Variants in ATE1 observed in about 807,000 individuals in gnomAD.
ATE1 encodes the protein arginyl-tRNA--protein transferase 1.
A neutral mutation model predicts 70.5 loss-of-function variants in ATE1; 36 were observed. The ratio of observed to expected loss-of-function variants is 0.51; its 90% CI spans 0.39 to 0.67. The LOEUF (loss-of-function observed/expected upper bound fraction) is 0.67. Among genes scored for constraint, ATE1 ranks in the 30% least tolerant of loss-of-function variants. ATE1 has a pLI of 0.00. For synonymous variants in ATE1, 232 were observed against 219.3 expected, an observed-to-expected ratio of 1.06 and a Z score of -0.51; for missense variants, 593 against 629.5, an observed-to-expected ratio of 0.94 and a Z score of 0.62.
In ATE1 at chr10:121,847,756, CAAAAAAAAAAA is replaced by C. The variant is rs34868723; in HGVS notation, c.976-6504_976-6494del. ...CTGGGGACAGAGCGAGACTCTGTCT[CAAAAAAAAAAA>C]AAAAAAAAAAAAATCGTGAACAGGC... On this transcript the variant is annotated intron_variant, in intron 8 of 11. Transcript: ENST00000224652. Among the ~76,000 whole-genome samples, 6 of 60,832 alleles carry C rather than the reference CAAAAAAAAAAA, an allele frequency of 9.9e-5. No individual in the cohort carries two copies. The South Asian group carries it at 3.5e-3, about 36-fold the overall frequency. The allele number at this position is 60,832 out of a possible 152,430, so 39.9% of individuals were successfully genotyped here.
rs1432207370 is a variant in ATE1 at position 121,743,087 on chromosome 10, G to A, written c.*593C>T. Reference sequence around the variant, plus strand: ...ATGAACAGGACTGTCCTGAACAAATGGATACCTGATGCTAACACAAGCTCC... The same window carrying A: ...ATGAACAGGACTGTCCTGAACAAATAGATACCTGATGCTAACACAAGCTCC... On this transcript the variant is annotated 3_prime_UTR_variant, in exon 12 of 12. Coordinates refer to ENST00000224652, the MANE Select transcript of ATE1 (RefSeq NM_001001976.3). 1.3e-5 allele frequency: 2 copies of A among 152,212 alleles called. No individual in the cohort carries two copies. Among genetic ancestry groups the A allele is most frequent in the Non-Finnish European group, 2.9e-5 (2 of 68,104 alleles). The allele number at this position is 152,212 out of a possible 1,614,324, so 9.4% of individuals were successfully genotyped here.
At chr10:121,763,232 A>G (rs900994092) in intron 11 of ATE1, among the ~76,000 whole-genome samples, 2 of 152,234 alleles carry the variant, frequency 1.3e-5, no homozygotes, top group African/African-American at 4.8e-5. Context: ...TGCAATAACC[A>G]TATGATCTAG....
At chr10:121,908,491 G>A (rs1182046550) in intron 5 of ATE1, among the ~76,000 whole-genome samples, 3 of 152,100 alleles carry the variant, frequency 2.0e-5, no homozygotes, top group Non-Finnish European at 2.9e-5. Flanking sequence ...GCGACAGAGT[G>A]AGATTCTTTC....
At chr10:121,898,994 A>C in intron 7 of ATE1, 1 of 1,610,474 alleles carries the variant, frequency 6.2e-7, no homozygotes, top group Admixed American at 1.7e-5. Flanking sequence ...AAATACAAGC[A>C]AATGCTATTG....
chr10:121,907,715 GC>G (rs1951255523), intron 5 of ATE1, among the ~76,000 whole-genome samples: 1 of 151,792 alleles, frequency 6.6e-6, no homozygotes, highest in African/African-American at 2.4e-5. Flanking sequence ...CTTGCAGTGA[GC>G]CAAGATCGCA....
chr10:121,874,389 A>G (rs1590590706), intron 7 of ATE1, among the ~76,000 whole-genome samples: 1 of 152,342 alleles, frequency 6.6e-6, no homozygotes, highest in East Asian at 1.9e-4. Flanking sequence ...ACAAAAGAAA[A>G]AAGTTTTATT....
intron 10 of ATE1, among the ~76,000 whole-genome samples, chr10:121,819,109 C>T (rs1254134141): frequency 1.3e-5 from 2 of 152,190 alleles, no homozygotes; most frequent in Admixed American, 6.5e-5. Context: ...AGATAATTCA[C>T]TATTGCATTA....
chr10:121,821,279 A>G (rs1181857244), intron 10 of ATE1, among the ~76,000 whole-genome samples: 1 of 152,206 alleles, frequency 6.6e-6, no homozygotes, highest in East Asian at 1.9e-4. Context: ...GTAGGCAAAT[A>G]TTTGTTGATA....
intron 6 of ATE1, 91 bp from the exon 7 acceptor site, chr10:121,900,085 C>A: frequency 7.4e-7 from 1 of 1,357,424 alleles, no homozygotes; most frequent in East Asian, 2.4e-5. Flanking sequence ...ATCCAAGAAA[C>A]CAAGTTTCAA....
chr10:121,837,716 T>G (rs147454752), intron 9 of ATE1, among the ~76,000 whole-genome samples: 6 of 152,340 alleles, frequency 3.9e-5, no homozygotes, highest in African/African-American at 9.6e-5. Flanking sequence ...AAGAATTCAT[T>G]TTTAAATTAA....
At chr10:121,749,371 T>G (rs1944493155) in intron 11 of ATE1, among the ~76,000 whole-genome samples, 1 of 148,372 alleles carries the variant, frequency 6.7e-6, no homozygotes, top group Non-Finnish European at 1.5e-5. Flanking sequence ...CTTTAAAAAT[T>G]AATACTAAGC....
At chr10:121,915,022 T>C (rs1226228296) in intron 3 of ATE1, among the ~76,000 whole-genome samples, 1 of 152,054 alleles carries the variant, frequency 6.6e-6, no homozygotes, top group Non-Finnish European at 1.5e-5. Context: ...TACACGGAAT[T>C]TCCAATGGAA....
At chr10:121,886,423 G>C (rs1390031651) in intron 7 of ATE1, among the ~76,000 whole-genome samples, 1 of 152,080 alleles carries the variant, frequency 6.6e-6, no homozygotes, top group Non-Finnish European at 1.5e-5. Flanking sequence ...GTGCACGTTA[G>C]GTTCACTGCT....
At chr10:121,893,276 CAA>C (rs771745075) in intron 7 of ATE1, among the ~76,000 whole-genome samples, 6 of 46,670 alleles carry the variant, frequency 1.3e-4, no homozygotes, top group African/African-American at 2.9e-4. Context: ...GACTTAGTCT[CAA>C]AAAAAAAAAA....
chr10:121,812,890 G>T (rs1947383704), intron 10 of ATE1, among the ~76,000 whole-genome samples: 1 of 152,142 alleles, frequency 6.6e-6, no homozygotes, highest in Non-Finnish European at 1.5e-5. Context: ...TCATCACCTT[G>T]ATCTCAGTTT....
intron 8 of ATE1, among the ~76,000 whole-genome samples, chr10:121,857,859 C>T (rs34796764): frequency 0.18 from 26,885 of 152,160 alleles, 3,099 homozygotes; most frequent in Non-Finnish European, 0.25. Flanking sequence ...CTCTCCTCTC[C>T]GCTGCCCCTG....
intron 10 of ATE1, among the ~76,000 whole-genome samples, chr10:121,802,390 C>G (rs1022702580): frequency 2.0e-5 from 3 of 151,916 alleles, no homozygotes; most frequent in Non-Finnish European, 4.4e-5. Context: ...CCCACTGCAA[C>G]CTCCGCCTCC....
chr10:121,785,145 C>G (rs1946152822), intron 11 of ATE1, among the ~76,000 whole-genome samples: 1 of 152,154 alleles, frequency 6.6e-6, no homozygotes, highest in Admixed American at 6.5e-5. Context: ...CAAGCAACAT[C>G]ATTCATTTTG....
intron 7 of ATE1, among the ~76,000 whole-genome samples, chr10:121,871,275 A>G (rs897875908): frequency 2.6e-5 from 4 of 152,156 alleles, no homozygotes; most frequent in Non-Finnish European, 5.9e-5. Flanking sequence ...CCTGGCCAAC[A>G]TGGTGAAACC....
Sources: allele counts gnomAD v4.1 joint callset (sites outside exome capture counted in the v4.1 genomes callset), GRCh38; gene constraint gnomAD v4.1.1; transcripts MANE v1.5; gene names NCBI Gene and HGNC (gene_info 2026-07-23, HGNC 2026-07-21).